Variants in IWS1 observed in about 807,000 individuals in gnomAD.
IWS1 encodes the protein protein IWS1 homolog.
Under a neutral mutation model 86.7 loss-of-function variants are expected in IWS1, and 27 were observed. The ratio of observed to expected loss-of-function variants is 0.31; its 90% CI spans 0.23 to 0.43. The LOEUF is 0.43. Among genes scored for constraint, IWS1 ranks in the 20% least tolerant of loss-of-function variants. The pLI, the probability that IWS1 is intolerant of heterozygous loss-of-function variation, is 1.00. For missense variants in IWS1, 827 were observed against 1,000.8 expected, an observed-to-expected ratio of 0.83 and a Z score of 2.34; for synonymous variants, 313 against 335.1, an observed-to-expected ratio of 0.93 and a Z score of 0.72.
In IWS1 at chr2:127,505,766, T is replaced by A; in HGVS notation, c.151-14A>T. The stretch of plus-strand genomic sequence containing the variant: ...ACTAGTTTCATTCTGAAAAATAAAG[T>A]GAGAAAAAATTAGGAAAGTGCAAAA... On this transcript the variant is annotated splice_polypyrimidine_tract_variant and intron_variant, in intron 2 of 13. Transcript: ENST00000295321. This position sits in a 1 kb window ranked among gnomAD's most constrained non-coding sequence, Gnocchi z 5.0. 2 of 1,433,612 alleles carry A rather than the reference T, an allele frequency of 1.4e-6. No individual in the cohort carries two copies. The highest frequency in any genetic ancestry group is 1.5e-5 in the South Asian group (1 of 67,280). The allele number at this position is 1,433,612 out of a possible 1,614,324, so 88.8% of individuals were successfully genotyped here. A position where few individuals can be genotyped will look rare whatever the true frequency, so the allele number is the denominator to read the frequency against.
At chr2:127,509,391 G>A (rs1336413128) in intron 2 of IWS1, among the ~76,000 whole-genome samples, 2 of 152,168 alleles carry the variant, frequency 1.3e-5, no homozygotes, top group Non-Finnish European at 2.9e-5. Flanking sequence ...TGAGCACTCA[G>A]AAGGTCCTTA....
At chr2:127,517,495 C>T (rs1033508919) in intron 2 of IWS1, among the ~76,000 whole-genome samples, 14 of 152,284 alleles carry the variant, frequency 9.2e-5, no homozygotes, top group African/African-American at 3.4e-4. Context: ...GGGGAAAGAA[C>T]AGTCTTCTCA....
At position 127,526,247 on chromosome 2, in the gene IWS1, G is replaced by A. The variant is rs775075778; in HGVS notation, c.-39C>T. On this transcript the variant is annotated 5_prime_UTR_variant, in exon 1 of 14. Transcript: ENST00000295321. ...TCAGCGGGGAGTGTCCGCGCCCCGC[G>A]CCGCCCCCGTCACCTCCTTCCAGGC... is the stretch of plus-strand genomic sequence containing the variant. The A allele has an allele frequency of 6.4e-7, 1 of 1,550,534 alleles. No individual in the cohort carries two copies. Among genetic ancestry groups the A allele is most frequent in the Non-Finnish European group, 8.7e-7 (1 of 1,148,520 alleles).
At chr2:127,485,495 C>G (rs920220211) in intron 13 of IWS1, among the ~76,000 whole-genome samples, 4 of 152,182 alleles carry the variant, frequency 2.6e-5, no homozygotes, top group South Asian at 4.2e-4. Context: ...TGTTGCTGAG[C>G]CACTGACAGC....
Position 127,500,643 on chromosome 2 carries a change from G to A in IWS1, c.1467+2172C>T, listed in dbSNP as rs187193052. Among the ~76,000 whole-genome samples the A allele has an allele frequency of 3.4e-3, 521 of 152,138 alleles. 1 individual carries two copies. Among genetic ancestry groups the A allele is most frequent in the African/African-American group, 0.012 (499 of 41,496 alleles). Reference sequence around the variant, plus strand: ...GACAAATCTCTTGACATCAGTATATGGCTGGTTTTTAAGATCCTGTCTGGC... The same window carrying A: ...GACAAATCTCTTGACATCAGTATATAGCTGGTTTTTAAGATCCTGTCTGGC... On this transcript the variant is annotated intron_variant, in intron 5 of 13. Coordinates refer to ENST00000295321, the MANE Select transcript of IWS1 (RefSeq NM_017969.3).
chr2:127,492,143 G>T, intron 9 of IWS1, 55 bp from the exon 10 acceptor site: 1 of 1,139,930 alleles, frequency 8.8e-7, no homozygotes. Context: ...TGGGGGTCTT[G>T]CTAGTCTATT....
intron 2 of IWS1, among the ~76,000 whole-genome samples, chr2:127,507,410 C>T (rs1278588876): frequency 1.3e-5 from 2 of 152,142 alleles, no homozygotes; most frequent in East Asian, 3.8e-4. Context: ...TTTCCAAAAT[C>T]ATACACTTTT....
chr2:127,514,593 GGC>G (rs1236827829), intron 2 of IWS1: 1 of 152,274 alleles, frequency 6.6e-6, no homozygotes, highest in African/African-American at 2.4e-5. Flanking sequence ...TGCAGTTCCT[GGC>G]ATCTCCGAGT....
intron 13 of IWS1, chr2:127,482,111 G>C (rs1338111112): frequency 6.6e-6 from 1 of 152,194 alleles, no homozygotes; most frequent in Non-Finnish European, 1.5e-5. Context: ...TGCTTAAAAA[G>C]AGATGGGTTT....
At chr2:127,485,009 AAAAAG>A (rs1350820829) in intron 13 of IWS1, among the ~76,000 whole-genome samples, 1 of 151,824 alleles carries the variant, frequency 6.6e-6, no homozygotes, top group East Asian at 1.9e-4. Flanking sequence ...AAAGAAAAAG[AAAAAG>A]AAAAAGAAAA....
intron 10 of IWS1, 59 bp downstream of exon 10, chr2:127,491,912 C>T (rs1187233706): frequency 1.0e-5 from 10 of 956,802 alleles, no homozygotes; most frequent in Admixed American, 1.7e-5. Flanking sequence ...TTTATATATA[C>T]GCATCTCTCT....
chr2:127,526,516 G>C, upstream of IWS1: 1 of 1,481,714 alleles, frequency 6.7e-7, no homozygotes, highest in Non-Finnish European at 9.1e-7. Flanking sequence ...GGAATGCAGC[G>C]CGCAGGCGCC....
rs1329482699 is a variant in IWS1, at chr2:127,499,370, G to GT, written c.1468-1134dup. 6.6e-6 allele frequency among the ~76,000 whole-genome samples: 1 copy of GT among 152,158 alleles called. No homozygotes were observed. Among genetic ancestry groups the GT allele is most frequent in the African/African-American group, 2.4e-5 (1 of 41,442 alleles). ...CTCCCAAAGTGCTGGGATTACAGGC[G>GT]TGAGCCACCGCGCCCGGCCAATTTT... On this transcript the variant is annotated intron_variant, in intron 5 of 13. Transcript: ENST00000295321. The surrounding 1 kb of genome is among the most constrained non-coding windows in gnomAD (Gnocchi z 4.0).
chr2:127,494,245 T>TAAAAAAAAAAAAAAA (rs11327472), intron 8 of IWS1, among the ~76,000 whole-genome samples: 1 of 94,090 alleles, frequency 1.1e-5, no homozygotes. Context: ...TGTCTCTAAT[T>TAAAAAAAAAAAAAAA]AAAAAAAAAA....
rs752410532 is a variant in IWS1 at position 127,493,244 on chromosome 2, T to C, written c.1929+37A>G. ...TTATGACCATACAGACCACATTAGA[T>C]AATTAATAAAGAACAGTCAGATTAT... On this transcript the variant is annotated intron_variant, in intron 9 of 13. Transcript: ENST00000295321. The C allele has an allele frequency of 9.5e-6, 15 of 1,583,394 alleles. No homozygotes were observed. The East Asian group carries it at 3.1e-4, about 33-fold the overall frequency.
intron 6 of IWS1, 38 bp from the exon 7 acceptor site, chr2:127,496,186 T>C: frequency 6.3e-7 from 1 of 1,583,692 alleles, no homozygotes; most frequent in Non-Finnish European, 8.6e-7. Context: ...ATACAAGTTG[T>C]CTTTTAAATA....
intron 2 of IWS1, among the ~76,000 whole-genome samples, chr2:127,513,295 A>C (rs1323252127): frequency 4.6e-5 from 7 of 152,348 alleles, no homozygotes; most frequent in African/African-American, 1.7e-4. Flanking sequence ...GAAACCATAT[A>C]ATAACACAGT....
chr2:127,523,573 T>C (rs1692225992), intron 2 of IWS1, 103 bp downstream of exon 2: 1 of 746,552 alleles, frequency 1.3e-6, no homozygotes, highest in Non-Finnish European at 2.3e-6. Flanking sequence ...TCTCAGAGAT[T>C]AAACCCTAAA....
chr2:127,495,653 C>T (rs1218618569), intron 7 of IWS1, among the ~76,000 whole-genome samples: 1 of 152,158 alleles, frequency 6.6e-6, no homozygotes, highest in Admixed American at 6.5e-5. Context: ...GTGTCTTGAT[C>T]AGGAGCAAGA....
Sources: allele counts gnomAD v4.1 joint callset (sites outside exome capture counted in the v4.1 genomes callset), GRCh38; gene constraint gnomAD v4.1.1; non-coding constraint Gnocchi (gnomAD v3.1); transcripts MANE v1.5; gene names NCBI Gene and HGNC (gene_info 2026-07-23, HGNC 2026-07-21).